MEGF9: variants seen among roughly 807,000 people sequenced by gnomAD.
The protein encoded by MEGF9 is multiple epidermal growth factor-like domains protein 9.
A neutral mutation model predicts 46.8 loss-of-function variants in MEGF9; 6 were observed. The observed-to-expected ratio is 0.13, with a 90% CI of 0.07 to 0.25. MEGF9 has a LOEUF of 0.25. MEGF9 is among the 10% of genes least tolerant of loss of function. The pLI is 1.00. For synonymous variants in MEGF9, 302 were observed against 330.7 expected (o/e 0.91, Z 0.94); for missense variants, 683 against 792.4 (o/e 0.86, Z 1.66).
chr9:120,608,131 A>G, intron 4 of MEGF9, 121 bp from the exon 5 acceptor site: 2 of 1,150,888 alleles, frequency 1.7e-6, no homozygotes, highest in Non-Finnish European at 2.5e-6. Flanking sequence ...AGGTGGAAGG[A>G]TCGCTTGAGC....
At chr9:120,660,207 G>A (rs2043696002) in intron 1 of MEGF9, among the ~76,000 whole-genome samples, 1 of 151,994 alleles carries the variant, frequency 6.6e-6, no homozygotes, top group Admixed American at 6.6e-5. Context: ...TTTGTTGTTT[G>A]TTTGTTGGTT....
Position 120,605,488 on chromosome 9 carries a change from G to A in MEGF9, c.1511C>T (p.Ala504Val). 1 of 1,614,024 alleles carries A rather than the reference G, an allele frequency of 6.2e-7. No homozygotes were observed. ...TTGGGTCCATGATACATCAGCTAAA[G>A]CTGAAGTGCTGTTTTCAGAAGTGCT... ...SVSTSENSTSALADVSWTQFN... is the reference protein window; with the variant it reads ...SVSTSENSTSVLADVSWTQFN... The change falls in exon 6 of 6, where the codon GCT becomes GTT. Residue 504 changes from alanine to valine, a missense_variant. By Grantham distance (64) the Ala-to-Val change is moderately conservative (BLOSUM62 0). Around this residue, in one of 2 missense-constraint regions of MEGF9, gnomAD observed 313 missense variants for 421.1 expected, o/e 0.74. Coordinates refer to ENST00000373930, the MANE Select transcript of MEGF9 (RefSeq NM_001080497.3). This position sits in a 1 kb window ranked among gnomAD's most constrained non-coding sequence, Gnocchi z 4.0.
intron 1 of MEGF9, among the ~76,000 whole-genome samples, chr9:120,707,419 C>T (rs1158318416): frequency 6.6e-6 from 1 of 152,214 alleles, no homozygotes; most frequent in Non-Finnish European, 1.5e-5. Context: ...TTATCACACT[C>T]ACTGTAAAGA....
At chr9:120,629,397 T>C (rs2043540874) in intron 2 of MEGF9, among the ~76,000 whole-genome samples, 1 of 152,168 alleles carries the variant, frequency 6.6e-6, no homozygotes, top group Non-Finnish European at 1.5e-5. Context: ...CCCAGCACTT[T>C]GACAGGCCAA....
Position 120,620,248 on chromosome 9 carries a change from G to A in MEGF9, c.943+2368C>T, listed in dbSNP as rs558590900. ...GAATCAGCAATGTAGACTGCTTTTCGGTACTGTAAAAGATCTAGGGAGTAA... is the reference window on the plus strand; with the variant it reads ...GAATCAGCAATGTAGACTGCTTTTCAGTACTGTAAAAGATCTAGGGAGTAA... On this transcript the variant is annotated intron_variant, in intron 3 of 5. Coordinates refer to ENST00000373930, the MANE Select transcript of MEGF9 (RefSeq NM_001080497.3). Among the ~76,000 whole-genome samples, 10 of 152,240 alleles carry A rather than the reference G, an allele frequency of 6.6e-5. No homozygotes were observed. The South Asian group carries it at 1.0e-3, about 16-fold the overall frequency.
At position 120,688,165 on chromosome 9, in the gene MEGF9, ACACACG is replaced by A. The variant is rs1349417852; in HGVS notation, c.601+25587_601+25592del. Among the ~76,000 whole-genome samples the A allele has an allele frequency of 1.8e-4, 26 of 144,804 alleles. 1 individual carries two copies. The highest frequency in any genetic ancestry group is 5.7e-4 in the African/African-American group (20 of 35,276). 95.0% of individuals were successfully genotyped at this position (144,804 alleles called of 152,430 possible). Reference sequence around the variant, plus strand: ...CACACACACACACACACACACACACACACACGCACGCACACACAACTTCTCTTAGGG... The same window carrying A: ...CACACACACACACACACACACACACACACGCACACACAACTTCTCTTAGGG... On this transcript the variant is annotated intron_variant, in intron 1 of 5. Transcript: ENST00000373930.
At chr9:120,681,692 T>A (rs918901896) in intron 1 of MEGF9, among the ~76,000 whole-genome samples, 1 of 152,186 alleles carries the variant, frequency 6.6e-6, no homozygotes, top group African/African-American at 2.4e-5. Flanking sequence ...CTAATTACCA[T>A]ATACCTATTA....
At chr9:120,625,457 T>G (rs2043519712) in intron 2 of MEGF9, among the ~76,000 whole-genome samples, 1 of 152,050 alleles carries the variant, frequency 6.6e-6, no homozygotes, top group South Asian at 2.1e-4. Context: ...GCCATCCTCT[T>G]GAGCTGAGTG....
At chr9:120,623,822 G>T (rs2043512313) in intron 2 of MEGF9, among the ~76,000 whole-genome samples, 1 of 152,146 alleles carries the variant, frequency 6.6e-6, no homozygotes, top group South Asian at 2.1e-4. Flanking sequence ...AGAACATAAT[G>T]TACCTTTCAA....
intron 3 of MEGF9, among the ~76,000 whole-genome samples, chr9:120,614,791 C>A (rs2043463878): frequency 2.0e-5 from 3 of 149,678 alleles, no homozygotes; most frequent in African/African-American, 2.5e-5. Flanking sequence ...TAAAAAATAC[C>A]TGAAAAAAAA....
intron 1 of MEGF9, among the ~76,000 whole-genome samples, chr9:120,706,672 T>C (rs953529434): frequency 6.6e-6 from 1 of 152,042 alleles, no homozygotes. Flanking sequence ...CCAACTCTAC[T>C]AAAAATACAA....
intron 1 of MEGF9, 85 bp from the exon 2 acceptor site, chr9:120,659,660 T>A: frequency 8.9e-7 from 1 of 1,118,822 alleles, no homozygotes; most frequent in South Asian, 1.6e-5. Flanking sequence ...TTTTTCTTAA[T>A]AAATTTTCAT....
At chr9:120,619,323 G>A (rs1010555505) in intron 3 of MEGF9, among the ~76,000 whole-genome samples, 5 of 152,140 alleles carry the variant, frequency 3.3e-5, no homozygotes, top group African/African-American at 1.2e-4. Context: ...CTCCAGCCTG[G>A]GCAACAAGGG....
At chr9:120,647,907 TG>T (rs992925078) in intron 2 of MEGF9, among the ~76,000 whole-genome samples, 4 of 152,016 alleles carry the variant, frequency 2.6e-5, no homozygotes, top group African/African-American at 4.8e-5. Context: ...GCCAGAAACA[TG>T]GGAGTCATCT....
chr9:120,633,179 T>C (rs998973410), intron 2 of MEGF9, among the ~76,000 whole-genome samples: 2 of 152,206 alleles, frequency 1.3e-5, no homozygotes, highest in African/African-American at 4.8e-5. Context: ...TTAGTTCTTC[T>C]TCATATGTTT....
At chr9:120,663,367 T>C (rs1179622529) in intron 1 of MEGF9, among the ~76,000 whole-genome samples, 1 of 152,218 alleles carries the variant, frequency 6.6e-6, no homozygotes, top group African/African-American at 2.4e-5. Context: ...CCAGGATAAT[T>C]TGTTAGCTTG....
intron 2 of MEGF9, among the ~76,000 whole-genome samples, chr9:120,647,290 C>T (rs912058340): frequency 3.3e-5 from 5 of 152,100 alleles, no homozygotes; most frequent in Middle Eastern, 3.4e-3. Context: ...GTATTAGATA[C>T]GCATTATTTA....
chr9:120,613,866 A>T (rs1453794622), intron 3 of MEGF9, among the ~76,000 whole-genome samples: 1 of 152,224 alleles, frequency 6.6e-6, no homozygotes, highest in African/African-American at 2.4e-5. Context: ...AACTATTCGT[A>T]AAAGTCTTGA....
At position 120,607,999 on chromosome 9, in the gene MEGF9, A is replaced by G; in HGVS notation, c.1099T>C (p.Leu367=). 6.2e-7 allele frequency: 1 copy of G among 1,613,864 alleles called. No individual in the cohort carries two copies. Among genetic ancestry groups the G allele is most frequent in the African/African-American group, 1.3e-5 (1 of 75,056 alleles). Residue 367 remains leucine (L), a synonymous_variant, in exon 5 of 6, where the codon TTG becomes CTG. Coordinates refer to ENST00000373930, the MANE Select transcript of MEGF9 (RefSeq NM_001080497.3). ...TGSCSIKSSE[L]EPECDQCKDG... ...TTACACTGGTCACATTCAGGTTCCA[A>G]TTCACTCGATTCTAAAAGAGAGAAT... is the stretch of plus-strand genomic sequence containing the variant.
Sources: allele counts gnomAD v4.1 joint callset (sites outside exome capture counted in the v4.1 genomes callset), GRCh38; gene constraint gnomAD v4.1.1; regional missense constraint gnomAD v4.1.1; non-coding constraint Gnocchi (gnomAD v3.1); transcripts MANE v1.5; gene names NCBI Gene and HGNC (gene_info 2026-07-23, HGNC 2026-07-21).